TBC1D5: variants seen among roughly 807,000 people sequenced by gnomAD.
The protein encoded by TBC1D5 is TBC1 domain family member 5, also known as TBC1 domain family, member 5.
TBC1D5 carries 75 observed loss-of-function variants against 100.3 expected under a neutral mutation model. The observed-to-expected ratio is 0.75, with a 90% CI of 0.62 to 0.91. The LOEUF (loss-of-function observed/expected upper bound fraction) is 0.91. Among genes scored for constraint, TBC1D5 ranks in the 40% least tolerant of loss-of-function variants. TBC1D5 has a pLI of 0.00. For synonymous variants in TBC1D5, 323 were observed against 325.6 expected, an observed-to-expected ratio of 0.99 and a Z score of 0.09; for missense variants, 910 against 942.4, an observed-to-expected ratio of 0.97 and a Z score of 0.45.
chr3:17,386,232 A>G (rs1302975720), intron 8 of TBC1D5, among the ~76,000 whole-genome samples: 1 of 152,024 alleles, frequency 6.6e-6, no homozygotes, highest in Admixed American at 6.6e-5. Context: ...GGATCACCTG[A>G]CTTAATAATT....
chr3:17,483,974 T>A (rs1358836069), intron 3 of TBC1D5, among the ~76,000 whole-genome samples: 1 of 152,094 alleles, frequency 6.6e-6, no homozygotes, highest in Admixed American at 6.6e-5. Flanking sequence ...AGGAAAACAA[T>A]CAAAATTTTA....
intron 8 of TBC1D5, among the ~76,000 whole-genome samples, chr3:17,397,017 C>T (rs148298226): frequency 2.0e-5 from 3 of 152,082 alleles, no homozygotes; most frequent in Admixed American, 6.6e-5. Flanking sequence ...ATACAGTAGC[C>T]ATTATCAGCT....
intron 3 of TBC1D5, among the ~76,000 whole-genome samples, chr3:17,444,666 C>T (rs1363243428): frequency 6.6e-6 from 1 of 151,872 alleles, no homozygotes; most frequent in African/African-American, 2.4e-5. Context: ...ATAAAAATTA[C>T]AAAACTAATA....
chr3:17,644,747 T>G (rs1250535544), intron 1 of TBC1D5, among the ~76,000 whole-genome samples: 1 of 152,164 alleles, frequency 6.6e-6, no homozygotes, highest in African/African-American at 2.4e-5. Context: ...CAAGTCATTT[T>G]TAAAAGTGAT....
chr3:17,411,428 C>T (rs2093921533), intron 4 of TBC1D5, among the ~76,000 whole-genome samples: 1 of 152,042 alleles, frequency 6.6e-6, no homozygotes, highest in African/African-American at 2.4e-5. Flanking sequence ...ATCTCAAAAA[C>T]CATACATATA....
chr3:17,720,104 A>C (rs1352953966), intron 1 of TBC1D5, among the ~76,000 whole-genome samples: 1 of 152,244 alleles, frequency 6.6e-6, no homozygotes, highest in East Asian at 1.9e-4. Context: ...TTTAATAGGA[A>C]GTATTTGTGT....
At chr3:17,740,918 T>A (rs146594474), upstream of TBC1D5, 6 of 152,282 alleles carry the variant, frequency 3.9e-5, no homozygotes, top group South Asian at 4.2e-4. Flanking sequence ...CCATACAGCA[T>A]ACAGACACAA....
intron 17 of TBC1D5, among the ~76,000 whole-genome samples, chr3:17,235,448 G>T (rs937267595): frequency 2.6e-5 from 4 of 152,200 alleles, no homozygotes; most frequent in Non-Finnish European, 4.4e-5. Context: ...TCTGTTCTGA[G>T]AGAGAAATCA....
chr3:17,390,179 T>C (rs962152960), intron 8 of TBC1D5, among the ~76,000 whole-genome samples: 9 of 152,014 alleles, frequency 5.9e-5, no homozygotes, highest in African/African-American at 2.2e-4. Flanking sequence ...CTGCAGTGTG[T>C]GGAAGTGAAC....
At chr3:17,338,713 G>C (rs764807394) in intron 13 of TBC1D5, 1 of 152,146 alleles carries the variant, frequency 6.6e-6, no homozygotes, top group Non-Finnish European at 1.5e-5. Context: ...TTCATTTTGG[G>C]AACACTAGTA....
At chr3:17,443,567 C>T (rs1475130356) in intron 3 of TBC1D5, among the ~76,000 whole-genome samples, 1 of 152,198 alleles carries the variant, frequency 6.6e-6, no homozygotes, top group Non-Finnish European at 1.5e-5. Context: ...GGAAATGTTT[C>T]TTAGGCAGCT....
At chr3:17,512,131 T>C (rs2095916486) in intron 2 of TBC1D5, among the ~76,000 whole-genome samples, 1 of 152,086 alleles carries the variant, frequency 6.6e-6, no homozygotes, top group Non-Finnish European at 1.5e-5. Flanking sequence ...AATGTTGTTT[T>C]TAAATATGAA....
At chr3:17,525,863 A>T (rs181599608) in intron 2 of TBC1D5, among the ~76,000 whole-genome samples, 2 of 152,138 alleles carry the variant, frequency 1.3e-5, no homozygotes, top group Non-Finnish European at 2.9e-5. Flanking sequence ...AAATTGATCT[A>T]TTCTCATGAC....
intron 7 of TBC1D5, 135 bp downstream of exon 7, chr3:17,404,559 T>G (rs1203140493): frequency 2.8e-6 from 2 of 708,946 alleles, no homozygotes; most frequent in Non-Finnish European, 4.6e-6. Flanking sequence ...CTACCAGGTT[T>G]TAGGTGGTAC....
intron 1 of TBC1D5, among the ~76,000 whole-genome samples, chr3:17,633,670 G>A (rs2063674476): frequency 6.6e-6 from 1 of 152,042 alleles, no homozygotes. Context: ...AGAGAGTGTA[G>A]AATAATATAC....
chr3:17,475,866 A>AACTCCTATCAGCCAACTTTC (rs1381479892), intron 3 of TBC1D5, among the ~76,000 whole-genome samples: 1 of 152,082 alleles, frequency 6.6e-6, no homozygotes, highest in Non-Finnish European at 1.5e-5. Context: ...AACCAACTTT[A>AACTCCTATCAGCCAACTTTC]ACTCCTATCA....
At chr3:17,521,863 A>G (rs995589527) in intron 2 of TBC1D5, among the ~76,000 whole-genome samples, 8 of 152,136 alleles carry the variant, frequency 5.3e-5, no homozygotes, top group African/African-American at 1.7e-4. Flanking sequence ...TAAATAATGC[A>G]AAATGTGAAA....
chr3:17,668,194 C>A (rs2067503021), intron 1 of TBC1D5, among the ~76,000 whole-genome samples: 1 of 148,404 alleles, frequency 6.7e-6, no homozygotes, highest in Non-Finnish European at 1.5e-5. Context: ...TATCTTAAAT[C>A]TCCCACATAT....
At chr3:17,375,537 G>A (rs1160196411) in intron 10 of TBC1D5, among the ~76,000 whole-genome samples, 1 of 150,942 alleles carries the variant, frequency 6.6e-6, no homozygotes, top group Non-Finnish European at 1.5e-5. Flanking sequence ...GCTGCATAGA[G>A]CAAGACTCTG....
Sources: allele counts gnomAD v4.1 joint callset (sites outside exome capture counted in the v4.1 genomes callset), GRCh38; gene constraint gnomAD v4.1.1; transcripts MANE v1.5; gene names NCBI Gene and HGNC (gene_info 2026-07-23, HGNC 2026-07-21).